Variants in CDC25C observed in about 807,000 individuals in gnomAD.
CDC25C encodes M-phase inducer phosphatase 3.
In CDC25C, 48 loss-of-function variants were observed where a neutral mutation model predicts 52.5. The observed-to-expected ratio is 0.91, with a 90% CI of 0.72 to 1.16. The LOEUF (loss-of-function observed/expected upper bound fraction) is 1.16. Ranked by LOEUF, CDC25C falls within the 50% of genes most tolerant of loss-of-function variation. The probability of loss-of-function intolerance (pLI) is 0.00; values close to 1 mark genes in which losing one functional copy is unlikely to be tolerated. For synonymous variants in CDC25C, 187 were observed against 206.5 expected, an observed-to-expected ratio of 0.91 and a Z score of 0.81; for missense variants, 510 against 566.1, an observed-to-expected ratio of 0.90 and a Z score of 1.01.
chr5:138,304,615 A>T (rs1020528620), intron 7 of CDC25C, among the ~76,000 whole-genome samples: 2 of 150,356 alleles, frequency 1.3e-5, no homozygotes, highest in Admixed American at 6.7e-5. Context: ...AAGCAATCCT[A>T]CTGTCTCTGC....
chr5:138,336,579 A>G (rs987149081), upstream of CDC25C, among the ~76,000 whole-genome samples: 7 of 152,162 alleles, frequency 4.6e-5, no homozygotes, highest in Admixed American at 2.6e-4. Flanking sequence ...CTAGCTATTC[A>G]GGAGGCTGAG....
intron 8 of CDC25C, 40 bp from the exon 9 acceptor site, chr5:138,290,780 T>C (rs1427363865): frequency 4.0e-6 from 5 of 1,260,072 alleles, no homozygotes; most frequent in Non-Finnish European, 5.8e-6. Flanking sequence ...CCAATCCTCA[T>C]GTTAAAGGTT....
At chr5:138,319,716 A>T (rs1365035772) in intron 6 of CDC25C, among the ~76,000 whole-genome samples, 2 of 152,226 alleles carry the variant, frequency 1.3e-5, no homozygotes, top group East Asian at 3.9e-4. Flanking sequence ...AATAACAATC[A>T]AAAGGGACAT....
At chr5:138,294,805 C>T (rs978660146) in intron 7 of CDC25C, among the ~76,000 whole-genome samples, 7 of 150,656 alleles carry the variant, frequency 4.6e-5, no homozygotes, top group Admixed American at 1.3e-4. Flanking sequence ...CGCCTGGCCC[C>T]GCTCAGCTAA....
At chr5:138,327,646 A>T (rs2126833940) in intron 4 of CDC25C, among the ~76,000 whole-genome samples, 1 of 152,280 alleles carries the variant, frequency 6.6e-6, no homozygotes, top group East Asian at 1.9e-4. Context: ...CAAAAATAAA[A>T]ATAAATACAT....
At chr5:138,299,051 G>C (rs1757428627) in intron 7 of CDC25C, among the ~76,000 whole-genome samples, 1 of 150,986 alleles carries the variant, frequency 6.6e-6, no homozygotes, top group East Asian at 2.0e-4. Context: ...AAATTAGCTG[G>C]GTGTGGTGGC....
At chr5:138,285,864 A>G (rs747569054) in intron 13 of CDC25C, 23 bp from the exon 14 acceptor site, 19 of 1,613,056 alleles carry the variant, frequency 1.2e-5, no homozygotes, top group Non-Finnish European at 1.4e-5. Context: ...GAACAGAGTA[A>G]GGGATTCTCT....
chr5:138,292,909 C>T (rs1471194257), intron 7 of CDC25C, among the ~76,000 whole-genome samples: 1 of 152,186 alleles, frequency 6.6e-6, no homozygotes, highest in Non-Finnish European at 1.5e-5. Context: ...CTACCTCTCA[C>T]CTAGAGAACA....
At chr5:138,330,664 C>G (rs1760293822) in intron 2 of CDC25C, among the ~76,000 whole-genome samples, 2 of 152,190 alleles carry the variant, frequency 1.3e-5, no homozygotes, top group Admixed American at 6.5e-5. Flanking sequence ...CACACCACCA[C>G]ACTCAGCTAA....
chr5:138,337,824 T>G (rs1171900337), intron 1 of CDC25C: 2 of 484,160 alleles, frequency 4.1e-6, no homozygotes, highest in Non-Finnish European at 6.9e-6. Context: ...TTCGAAGAGG[T>G]GGTCGTGGAG....
At chr5:138,335,684 G>C (rs1760648365), upstream of CDC25C, among the ~76,000 whole-genome samples, 1 of 152,088 alleles carries the variant, frequency 6.6e-6, no homozygotes, top group South Asian at 2.1e-4. Flanking sequence ...TAGGAGTGTT[G>C]GGCTGCACTG....
At chr5:138,320,807 T>C (rs763063305) in intron 6 of CDC25C, among the ~76,000 whole-genome samples, 6 of 146,798 alleles carry the variant, frequency 4.1e-5, no homozygotes, top group Non-Finnish European at 7.4e-5. Context: ...TCCCAGCTAC[T>C]AGGGAGGTTA....
intron 7 of CDC25C, among the ~76,000 whole-genome samples, chr5:138,296,161 C>T (rs530896973): frequency 1.3e-4 from 20 of 152,160 alleles, no homozygotes; most frequent in Non-Finnish European, 2.2e-4. Context: ...AACCTCATGT[C>T]GGCTTCCGTT....
In CDC25C at chr5:138,285,538, T is replaced by C. The variant is rs528179882; in HGVS notation, c.*154A>G. Reference sequence around the variant, plus strand: ...AGCTTTCAGCTCTGCTGAAACCTAATCCATTCCCAGGCCTGGATACAAGTT... The same window carrying C: ...AGCTTTCAGCTCTGCTGAAACCTAACCCATTCCCAGGCCTGGATACAAGTT... On this transcript the variant is annotated 3_prime_UTR_variant, in exon 14 of 14. Transcript: ENST00000323760. 1.2e-5 allele frequency: 9 copies of C among 733,976 alleles called. No homozygotes were observed. The highest frequency in any genetic ancestry group is 2.1e-5 in the Non-Finnish European group (9 of 434,458). The allele number at this position is 733,976 out of a possible 1,614,324, so 45.5% of individuals were successfully genotyped here.
intron 7 of CDC25C, among the ~76,000 whole-genome samples, chr5:138,318,725 A>C (rs1759103208): frequency 6.6e-6 from 1 of 152,156 alleles, no homozygotes; most frequent in Admixed American, 6.6e-5. Flanking sequence ...AAAAAAAACA[A>C]ACAACAAAAA....
chr5:138,286,155 G>A, intron 12 of CDC25C, 22 bp from the exon 13 acceptor site: 5 of 1,570,982 alleles, frequency 3.2e-6, no homozygotes, highest in Non-Finnish European at 4.4e-6. Context: ...ACCCAGAGAT[G>A]GGTGGGGTGG....
chr5:138,292,268 C>A, intron 7 of CDC25C, 152 bp from the exon 8 acceptor site: 1 of 559,238 alleles, frequency 1.8e-6, no homozygotes, highest in Non-Finnish European at 3.0e-6. Flanking sequence ...TGCATTTTAA[C>A]AAGATGCCCA....
intron 7 of CDC25C, among the ~76,000 whole-genome samples, chr5:138,304,161 T>C (rs979814309): frequency 1.3e-5 from 2 of 151,980 alleles, no homozygotes; most frequent in Non-Finnish European, 1.5e-5. Context: ...TATATCTATG[T>C]ATCTTTTTAC....
chr5:138,290,813 G>C (rs1756643862), intron 8 of CDC25C, 73 bp from the exon 9 acceptor site: 2 of 903,842 alleles, frequency 2.2e-6, no homozygotes, highest in African/African-American at 3.3e-5. Context: ...GATGGAGTGG[G>C]CCATGGTGGC....
Sources: allele counts gnomAD v4.1 joint callset (sites outside exome capture counted in the v4.1 genomes callset), GRCh38; gene constraint gnomAD v4.1.1; transcripts MANE v1.5; gene names NCBI Gene and HGNC (gene_info 2026-07-23, HGNC 2026-07-21).